POLE: variants seen among roughly 807,000 people sequenced by gnomAD.
The protein encoded by POLE is DNA polymerase epsilon, catalytic subunit, also known as DNA polymerase epsilon catalytic subunit A.
A neutral mutation model predicts 279.2 loss-of-function variants in POLE; 188 were observed. That is an observed-to-expected ratio of 0.67 (90% CI 0.60 to 0.76). The LOEUF is 0.76. Among genes scored for constraint, POLE ranks in the 30% least tolerant of loss-of-function variants. The probability of loss-of-function intolerance (pLI) is 0.00; values close to 1 mark genes in which losing one functional copy is unlikely to be tolerated. For missense variants in POLE, 2,703 were observed against 3,016.7 expected, an observed-to-expected ratio of 0.90 and a Z score of 2.44; for synonymous variants, 1,214 against 1,172.5, an observed-to-expected ratio of 1.04 and a Z score of -0.72.
intron 23 of POLE, among the ~76,000 whole-genome samples, chr12:132,662,360 A>T (rs2042699366): frequency 1.3e-5 from 2 of 152,248 alleles, no homozygotes. Context: ...AGCAATTCTA[A>T]AACTACTTTA....
Position 132,634,486 on chromosome 12 carries a change from AC to A in POLE, c.5812-109del. On this transcript the variant is annotated intron_variant, in intron 42 of 48. Transcript: ENST00000320574. This position sits in a 1 kb window ranked among gnomAD's most constrained non-coding sequence, Gnocchi z 4.0. ...AACCTGGGTCCATCTGCCCCGTTTGACCAGAGGCCTTCCTCGCAGTCAAGGC... is the reference window on the plus strand; with the variant it reads ...AACCTGGGTCCATCTGCCCCGTTTGACAGAGGCCTTCCTCGCAGTCAAGGC... 9.3e-7 allele frequency: 1 copy of A among 1,071,020 alleles called. No homozygotes were observed. The highest frequency in any genetic ancestry group is 1.4e-6 in the Non-Finnish European group (1 of 727,182). The allele number at this position is 1,071,020 out of a possible 1,614,324, so 66.3% of individuals were successfully genotyped here. A position where few individuals can be genotyped will look rare whatever the true frequency, so the allele number is the denominator to read the frequency against.
At chr12:132,683,023 T>A (rs1276014360) in intron 1 of POLE, among the ~76,000 whole-genome samples, 3 of 152,028 alleles carry the variant, frequency 2.0e-5, no homozygotes, top group Non-Finnish European at 4.4e-5. Context: ...CTGAAGGTAT[T>A]CCTTGGATCA....
Position 132,677,431 on chromosome 12 carries a change from T to C in POLE, c.733A>G (p.Asn245Asp), listed in dbSNP as rs1209099929. 5 of 1,613,868 alleles carry C rather than the reference T, an allele frequency of 3.1e-6. No individual in the cohort carries two copies. In the Admixed American group the frequency reaches 5.0e-5, roughly 16 times the overall value. Reference sequence around the variant, plus strand: ...AAAGCATTTCCTCGGTATCTGACATTGTACCAATGAGCCTGCAAAACACAC... The same window carrying C: ...AAAGCATTTCCTCGGTATCTGACATCGTACCAATGAGCCTGCAAAACACAC... Reference protein sequence around the residue: ...DLKIHVAHWYNVRYRGNAFPV... With the variant: ...DLKIHVAHWYDVRYRGNAFPV... Residue 245 changes from asparagine to aspartate, a missense_variant, in exon 8 of 49, where the codon AAT (asparagine) becomes GAT (aspartate). By Grantham distance (23) the Asn-to-Asp change is conservative. Around this residue, in one of 5 missense-constraint regions of POLE, gnomAD observed 1,011 missense variants for 1,111.7 expected, o/e 0.91. Coordinates refer to ENST00000320574, the MANE Select transcript of POLE (RefSeq NM_006231.4).
intron 26 of POLE, 40 bp downstream of exon 26, chr12:132,659,255 G>A (rs1224680951): frequency 4.4e-6 from 7 of 1,591,888 alleles, no homozygotes; most frequent in South Asian, 2.2e-5. Context: ...GTCCGTGATG[G>A]GAGGAGCCCT....
Position 132,643,945 on chromosome 12 carries a change from G to A in POLE, c.4182C>T (p.Val1394=), listed in dbSNP as rs1329622384. 1 of 1,613,936 alleles carries A rather than the reference G, an allele frequency of 6.2e-7. No homozygotes were observed. The highest frequency in any genetic ancestry group is 8.5e-7 in the Non-Finnish European group (1 of 1,179,846). Residue 1394 remains valine, a synonymous_variant, in exon 33 of 49, where the codon GTC becomes GTT. Coordinates refer to ENST00000320574, the MANE Select transcript of POLE (RefSeq NM_006231.4). ...VNRVLPRSNM[V]YNLYEYSVPE... is the part of the protein sequence containing the mutation. The stretch of plus-strand genomic sequence containing the variant: ...GCACTGAATACTCATAGAGATTGTA[G>A]ACCATGTTGGAGCGAGGAAGGACCC...
intron 13 of POLE, 29 bp downstream of exon 13, chr12:132,673,546 C>T (rs759293115): frequency 3.1e-6 from 5 of 1,594,192 alleles, no homozygotes; most frequent in Non-Finnish European, 3.4e-6. Flanking sequence ...CACACGGCAG[C>T]AGGGGCAGCC....
chr12:132,657,955 G>A lies in POLE; in HGVS notation c.3291C>T (p.Ala1097=), dbSNP rs764562529. The change falls in exon 27 of 49, where the codon GCC becomes GCT. Residue 1097 remains alanine, a synonymous_variant. Coordinates refer to ENST00000320574, the MANE Select transcript of POLE (RefSeq NM_006231.4). ...TCACCGTGGGCTCTGCTTGGAAAAT[G>A]GCAAGTGGGATGGCCCTGGGTAAGG... The part of the protein sequence containing the change: ...SPVTERAIPL[A]IFQAEPTVRK... The A allele has an allele frequency of 4.3e-6, 7 of 1,613,302 alleles. No individual in the cohort carries two copies. The East Asian group carries it at 1.6e-4, about 36-fold the overall frequency.
At position 132,687,210 on chromosome 12, in the gene POLE, C is replaced by T. The variant is rs1268704760; in HGVS notation, c.62+44G>A. ...CCAGCCGAGGACGGCCCCATGGCAC[C>T]CTCCGGAGGGCCGGCCCGAGAGCCT... On this transcript the variant is annotated intron_variant, in intron 1 of 48. Transcript: ENST00000320574. 6 of 1,354,150 alleles carry T rather than the reference C, an allele frequency of 4.4e-6. No individual in the cohort carries two copies. The African/African-American group carries it at 9.1e-5, about 20-fold the overall frequency. The allele number at this position is 1,354,150 out of a possible 1,614,324, so 83.9% of individuals were successfully genotyped here. A position where few individuals can be genotyped will look rare whatever the true frequency, so the allele number is the denominator to read the frequency against.
At chr12:132,636,094 C>CT (rs1216828052) in intron 41 of POLE, 70 bp from the exon 42 acceptor site, 2 of 1,526,304 alleles carry the variant, frequency 1.3e-6, no homozygotes, top group African/African-American at 2.7e-5. Flanking sequence ...TTTATTTCCC[C>CT]TTGTATCTAT....
intron 12 of POLE, among the ~76,000 whole-genome samples, chr12:132,674,250 C>T (rs1053668495): frequency 6.6e-5 from 10 of 152,230 alleles, no homozygotes; most frequent in Non-Finnish European, 1.2e-4. Context: ...TCCCTACAGA[C>T]GCATTCCCTG....
rs966148755 is a variant in POLE, at chr12:132,675,048, T to C, written c.1226+350A>G. The stretch of plus-strand genomic sequence containing the variant: ...GGAATCTGTGGTTGTCCCGTGAGGC[T>C]TGTCCTGTGAGGCAGCCGGGCTGCC... On this transcript the variant is annotated intron_variant, in intron 12 of 48. Coordinates refer to ENST00000320574, the MANE Select transcript of POLE (RefSeq NM_006231.4). This position sits in a 1 kb window ranked among gnomAD's most constrained non-coding sequence, Gnocchi z 4.3. Among the ~76,000 whole-genome samples, 3 of 152,190 alleles carry C rather than the reference T, an allele frequency of 2.0e-5. No homozygotes were observed. Among genetic ancestry groups the C allele is most frequent in the Non-Finnish European group, 4.4e-5 (3 of 68,012 alleles).
intron 29 of POLE, among the ~76,000 whole-genome samples, chr12:132,654,206 T>C (rs1303644605): frequency 2.0e-5 from 3 of 149,484 alleles, no homozygotes; most frequent in African/African-American, 7.4e-5. Flanking sequence ...TTGGGTTTGA[T>C]GTTTCTTTTA....
In POLE at chr12:132,676,180, T is replaced by A; in HGVS notation, c.934A>T (p.Ile312Phe). 1 of 1,613,266 alleles carries A rather than the reference T, an allele frequency of 6.2e-7. No homozygotes were observed. The highest frequency in any genetic ancestry group is 8.5e-7 in the Non-Finnish European group (1 of 1,179,664). ...AAATCTTCAATATCTTCTGAAACAA[T>A]CTCCCTGTTGGTGATGAGGTAGCCC... ...GQGYLITNRE[I>F]VSEDIEDFEF... Residue 312 changes from isoleucine to phenylalanine, a missense_variant, in exon 10 of 49, where the codon ATT (isoleucine) becomes TTT (phenylalanine). By Grantham distance (21) the Ile-to-Phe change is conservative (BLOSUM62 0). This residue lies in a region of POLE where 1,011 missense variants were observed against 1,111.7 expected (regional missense o/e 0.91). Coordinates refer to ENST00000320574, the MANE Select transcript of POLE (RefSeq NM_006231.4).
At chr12:132,655,363 G>A (rs959286903) in intron 29 of POLE, among the ~76,000 whole-genome samples, 1 of 151,758 alleles carries the variant, frequency 6.6e-6, no homozygotes, top group Non-Finnish European at 1.5e-5. Flanking sequence ...AAGTTATCTA[G>A]AATTGGTTGC....
At chr12:132,628,020 C>G (rs985267988) in intron 45 of POLE, among the ~76,000 whole-genome samples, 7 of 152,232 alleles carry the variant, frequency 4.6e-5, no homozygotes, top group African/African-American at 1.7e-4. Context: ...AATCCTTTGT[C>G]ATTTCCACAA....
chr12:132,656,340 A>G (rs1198661040), intron 29 of POLE, among the ~76,000 whole-genome samples: 1 of 151,990 alleles, frequency 6.6e-6, no homozygotes, highest in Non-Finnish European at 1.5e-5. Context: ...AAATTTTAAA[A>G]TCCAATCCAT....
chr12:132,626,575 A>G (rs2138433806), intron 45 of POLE, among the ~76,000 whole-genome samples: 1 of 152,052 alleles, frequency 6.6e-6, no homozygotes, highest in Non-Finnish European at 1.5e-5. Context: ...AACACTGAAG[A>G]GAGAGAGCAC....
chr12:132,676,543 C>T lies in POLE; in HGVS notation c.909+3G>A, dbSNP rs769529344. 2 of 1,603,198 alleles carry T rather than the reference C, an allele frequency of 1.2e-6. No homozygotes were observed. Among genetic ancestry groups the T allele is most frequent in the East Asian group, 2.2e-5 (1 of 44,842 alleles). On this transcript the variant is annotated splice_donor_region_variant and intron_variant, in intron 9 of 48. Coordinates refer to ENST00000320574, the MANE Select transcript of POLE (RefSeq NM_006231.4). ...GCTTACTTCCCAGAAGCCACCTGCTCACCTGGCCATCGATCATGTAGGAAA... is the reference window on the plus strand; with the variant it reads ...GCTTACTTCCCAGAAGCCACCTGCTTACCTGGCCATCGATCATGTAGGAAA...
chr12:132,677,809 C>T (rs886308768), intron 6 of POLE, 90 bp from the exon 7 acceptor site: 1 of 1,265,562 alleles, frequency 7.9e-7, no homozygotes, highest in Admixed American at 2.0e-5. Context: ...GAGGTGAGAC[C>T]AGAGTTCAAA....
Sources: allele counts gnomAD v4.1 joint callset (sites outside exome capture counted in the v4.1 genomes callset), GRCh38; gene constraint gnomAD v4.1.1; regional missense constraint gnomAD v4.1.1; non-coding constraint Gnocchi (gnomAD v3.1); transcripts MANE v1.5; gene names NCBI Gene and HGNC (gene_info 2026-07-23, HGNC 2026-07-21).